NAALADL2: variants seen among roughly 807,000 people sequenced by gnomAD.
The protein encoded by NAALADL2 is inactive N-acetylated-alpha-linked acidic dipeptidase-like protein 2.
In NAALADL2, 76 loss-of-function variants were observed where a neutral mutation model predicts 87.2. That is an observed-to-expected ratio of 0.87 (90% confidence interval 0.72 to 1.05). The LOEUF is 1.05. Ranked by LOEUF, NAALADL2 falls within the 50% of genes least tolerant of loss-of-function variation. NAALADL2 has a pLI of 0.00. For synonymous variants in NAALADL2, 354 were observed against 331.0 expected (o/e 1.07, Z -0.75); for missense variants, 1,089 against 945.8 (o/e 1.15, Z -1.99).
intron 10 of NAALADL2, chr3:175,581,002 G>A (rs1317829641): frequency 1.2e-5 from 2 of 162,262 alleles, no homozygotes; most frequent in Non-Finnish European, 2.7e-5. Context: ...AACTAAATTA[G>A]TATTACATTG....
intron 5 of NAALADL2, among the ~76,000 whole-genome samples, chr3:175,347,112 A>G (rs1013117961): frequency 4.6e-5 from 7 of 152,178 alleles, no homozygotes; most frequent in Admixed American, 1.3e-4. Context: ...CTGCCTTCCA[A>G]CACTAGCAGC....
At chr3:175,380,612 C>A (rs1767675075) in intron 5 of NAALADL2, among the ~76,000 whole-genome samples, 1 of 152,068 alleles carries the variant, frequency 6.6e-6, no homozygotes, top group Admixed American at 6.6e-5. Flanking sequence ...CATAGGTAAG[C>A]CCATACCATG....
chr3:175,690,299 C>G (rs1001706685), intron 11 of NAALADL2, among the ~76,000 whole-genome samples: 1 of 151,882 alleles, frequency 6.6e-6, no homozygotes, highest in African/African-American at 2.4e-5. Context: ...ATATTCAGGG[C>G]CTTTGTACTG....
chr3:175,552,063 A>G (rs1714489530), intron 9 of NAALADL2, among the ~76,000 whole-genome samples: 1 of 152,114 alleles, frequency 6.6e-6, no homozygotes, highest in South Asian at 2.1e-4. Flanking sequence ...ACCTATGTGT[A>G]TATATAAAAT....
intron 13 of NAALADL2, among the ~76,000 whole-genome samples, chr3:175,776,968 A>G (rs934521331): frequency 6.6e-6 from 1 of 151,982 alleles, no homozygotes; most frequent in Admixed American, 6.6e-5. Context: ...AATATCTATA[A>G]TAAACTGACT....
At chr3:175,529,424 C>T (rs1733818905) in intron 9 of NAALADL2, among the ~76,000 whole-genome samples, 1 of 152,002 alleles carries the variant, frequency 6.6e-6, no homozygotes, top group African/African-American at 2.4e-5. Flanking sequence ...ACTAGTGGCT[C>T]ACTAGGGGTG....
At chr3:175,779,990 C>T (rs1025786450) in intron 13 of NAALADL2, among the ~76,000 whole-genome samples, 6 of 152,002 alleles carry the variant, frequency 3.9e-5, no homozygotes, top group Non-Finnish European at 5.9e-5. Context: ...TAGTCAGGGC[C>T]GGGCGCGGTG....
intron 4 of NAALADL2, among the ~76,000 whole-genome samples, chr3:175,274,203 C>T (rs1411302621): frequency 2.6e-5 from 4 of 152,058 alleles, no homozygotes; most frequent in East Asian, 1.9e-4. Flanking sequence ...AAGGTGTGTG[C>T]AGGGGAACTG....
intron 1 of NAALADL2, among the ~76,000 whole-genome samples, chr3:175,002,262 G>T (rs914770203): frequency 2.0e-5 from 3 of 152,154 alleles, no homozygotes; most frequent in Non-Finnish European, 4.4e-5. Context: ...AGAAGCATTT[G>T]TTTTATGTAT....
Position 175,608,629 on chromosome 3 carries a change from G to C in NAALADL2, c.1801-18662G>C, listed in dbSNP as rs900080150. 7.2e-5 allele frequency among the ~76,000 whole-genome samples: 11 copies of C among 152,054 alleles called. 1 individual carries two copies. The highest frequency in any genetic ancestry group is 3.9e-4 in the Admixed American group (6 of 15,260). ...ACAATCCTTTAAACATTGTTATAAC[G>C]ATCGTGTAGGAGTTATGAAATTTGG... On this transcript the variant is annotated intron_variant, in intron 10 of 13. Coordinates refer to ENST00000454872, the MANE Select transcript of NAALADL2 (RefSeq NM_207015.3).
intron 13 of NAALADL2, among the ~76,000 whole-genome samples, chr3:175,788,549 C>T (rs1291798639): frequency 3.9e-5 from 6 of 152,096 alleles, no homozygotes; most frequent in Admixed American, 6.5e-5. Flanking sequence ...ATAACCTATA[C>T]CATGAAGCCT....
chr3:175,704,916 G>A (rs1002715318), intron 11 of NAALADL2, among the ~76,000 whole-genome samples: 8 of 152,180 alleles, frequency 5.3e-5, no homozygotes, highest in Non-Finnish European at 1.2e-4. Context: ...ACACATTACT[G>A]TGGTAACAAA....
chr3:175,324,192 G>T lies in NAALADL2; in HGVS notation c.957G>T (p.Lys319Asn). ...TCTTTTAGCTTTCCTCATTGGAAAAGGCTGGATTTGGAGGTGTTCTTCTGT... is the reference window on the plus strand; with the variant it reads ...TCTTTTAGCTTTCCTCATTGGAAAATGCTGGATTTGGAGGTGTTCTTCTGT... The part of the protein sequence containing the change: ...PLLYKLSSLE[K>N]AGFGGVLLYI... Residue 319 changes from lysine (K) to asparagine (N), a missense_variant, in exon 5 of 14, where the codon AAG (lysine) becomes AAT (asparagine). Transcript: ENST00000454872. The T allele has an allele frequency of 2.5e-6, 4 of 1,613,026 alleles. No individual in the cohort carries two copies. Among genetic ancestry groups the T allele is most frequent in the Non-Finnish European group, 2.5e-6 (3 of 1,179,466 alleles).
chr3:174,752,258 G>A (rs1734910785), intron 3 of NAALADL2, among the ~76,000 whole-genome samples: 1 of 152,128 alleles, frequency 6.6e-6, no homozygotes, highest in South Asian at 2.1e-4. Flanking sequence ...TTACAGGTGT[G>A]AGCCACCGCG....
chr3:175,150,043 T>C (rs1731316362), intron 2 of NAALADL2, among the ~76,000 whole-genome samples: 1 of 152,182 alleles, frequency 6.6e-6, no homozygotes, highest in African/African-American at 2.4e-5. Context: ...CTACCTCAGG[T>C]ATTAGAAAGA....
At chr3:175,557,809 A>G (rs1189356023) in intron 9 of NAALADL2, among the ~76,000 whole-genome samples, 1 of 152,128 alleles carries the variant, frequency 6.6e-6, no homozygotes, top group Non-Finnish European at 1.5e-5. Context: ...ATGATACCAC[A>G]TTGTAGTTCT....
intron 1 of NAALADL2, among the ~76,000 whole-genome samples, chr3:175,014,932 A>G (rs973641220): frequency 6.6e-6 from 1 of 151,682 alleles, no homozygotes; most frequent in African/African-American, 2.4e-5. Context: ...CTTTTCACAT[A>G]TGGCTTAGGA....
At chr3:175,637,916 A>G in intron 11 of NAALADL2, among the ~76,000 whole-genome samples, 1 of 152,198 alleles carries the variant, frequency 6.6e-6, no homozygotes, top group Non-Finnish European at 1.5e-5. Context: ...TTAGGCACCT[A>G]TAGAGATATT....
chr3:174,454,216 C>T (rs1332649270), intron 1 of NAALADL2, among the ~76,000 whole-genome samples: 1 of 152,116 alleles, frequency 6.6e-6, no homozygotes, highest in African/African-American at 2.4e-5. Context: ...TATATGCACT[C>T]AACACAGGAG....
Sources: gnomAD v4.1 joint callset for allele counts (sites outside exome capture counted in the v4.1 genomes callset) on GRCh38, gnomAD v4.1.1 for gene constraint, MANE v1.5 for transcripts, NCBI Gene and HGNC (gene_info 2026-07-23, HGNC 2026-07-21) for gene names.